The following RBFOX1 variants were observed in gnomAD, a reference collection of about 807,000 sequenced individuals.
The protein encoded by RBFOX1 is RNA binding fox-1 homolog 1.
Under a neutral mutation model 57.7 loss-of-function variants are expected in RBFOX1, and 8 were observed. The ratio of observed to expected loss-of-function variants is 0.14; its 90% confidence interval spans 0.08 to 0.25. The LOEUF (loss-of-function observed/expected upper bound fraction) is 0.25. RBFOX1 is among the 10% of genes least tolerant of loss of function. The pLI, the probability that RBFOX1 is intolerant of heterozygous loss-of-function variation, is 1.00. For missense variants in RBFOX1, 611 were observed against 548.5 expected, an observed-to-expected ratio of 1.11 and a Z score of -1.14; for synonymous variants, 326 against 222.4, an observed-to-expected ratio of 1.47 and a Z score of -4.15.
At chr16:6,248,957 G>A (rs2160165) in intron 1 of RBFOX1, among the ~76,000 whole-genome samples, 2,335 of 152,246 alleles carry the variant, frequency 0.015, 32 homozygotes, top group Middle Eastern at 0.02. Context: ...ACGAGGTACT[G>A]AAGGAACAGT....
At chr16:7,294,046 C>G (rs924236668) in intron 4 of RBFOX1, among the ~76,000 whole-genome samples, 11 of 152,058 alleles carry the variant, frequency 7.2e-5, no homozygotes, top group African/African-American at 2.7e-4. Flanking sequence ...ACCTTGCAGC[C>G]AAGCTCATGA....
At chr16:5,960,823 C>G (rs1031711280) in intron 4 of RBFOX1, among the ~76,000 whole-genome samples, 3 of 152,208 alleles carry the variant, frequency 2.0e-5, no homozygotes, top group African/African-American at 7.2e-5. Context: ...CCAAGTGTCT[C>G]TTCTTCCCAA....
intron 2 of RBFOX1, among the ~76,000 whole-genome samples, chr16:6,412,356 A>G (rs2093485957): frequency 6.6e-6 from 1 of 152,158 alleles, no homozygotes; most frequent in Non-Finnish European, 1.5e-5. Context: ...CCTCTGGTCA[A>G]CTTGGATTTC....
chr16:5,564,035 A>T (rs969160132), intron 2 of RBFOX1, among the ~76,000 whole-genome samples: 8 of 152,092 alleles, frequency 5.3e-5, no homozygotes, highest in Non-Finnish European at 8.8e-5. Context: ...TTATTTTTAG[A>T]CTGAGTCTTG....
intron 6 of RBFOX1, among the ~76,000 whole-genome samples, chr16:7,582,038 C>T (rs937948614): frequency 8.6e-5 from 13 of 151,318 alleles, no homozygotes; most frequent in South Asian, 4.2e-4. Flanking sequence ...CCCCCCCCCC[C>T]CTTTTTTTTG....
intron 2 of RBFOX1, among the ~76,000 whole-genome samples, chr16:6,472,859 A>T (rs1227968970): frequency 6.6e-6 from 1 of 151,920 alleles, no homozygotes; most frequent in African/African-American, 2.4e-5. Flanking sequence ...TCCCAACCTT[A>T]TTTGATCCAC....
At chr16:7,610,904 C>T (rs966321394) in intron 10 of RBFOX1, among the ~76,000 whole-genome samples, 3 of 152,156 alleles carry the variant, frequency 2.0e-5, no homozygotes, top group African/African-American at 7.2e-5. Context: ...TTTAAAATTT[C>T]CCCAGCTATA....
intron 2 of RBFOX1, among the ~76,000 whole-genome samples, chr16:6,363,741 T>C (rs1477505493): frequency 6.6e-6 from 1 of 152,214 alleles, no homozygotes; most frequent in Non-Finnish European, 1.5e-5. Flanking sequence ...TAGAAATCAA[T>C]CGCTCTGTTC....
At chr16:6,844,634 C>A (rs1251730684) in intron 3 of RBFOX1, among the ~76,000 whole-genome samples, 1 of 152,034 alleles carries the variant, frequency 6.6e-6, no homozygotes, top group Non-Finnish European at 1.5e-5. Context: ...GTGAATAGTG[C>A]TGCAATTAAC....
intron 2 of RBFOX1, among the ~76,000 whole-genome samples, chr16:5,583,974 C>T (rs540329021): frequency 5.4e-4 from 82 of 152,286 alleles, no homozygotes; most frequent in African/African-American, 1.8e-3. Context: ...CAAGGCTGTG[C>T]CAGCCATTCC....
At chr16:5,590,635 C>A (rs1451364838) in intron 2 of RBFOX1, among the ~76,000 whole-genome samples, 1 of 152,120 alleles carries the variant, frequency 6.6e-6, no homozygotes, top group Non-Finnish European at 1.5e-5. Context: ...ACTCCCAGAT[C>A]GGGCACTGAG....
At chr16:6,926,956 G>T (rs1000553135) in intron 3 of RBFOX1, among the ~76,000 whole-genome samples, 3 of 152,050 alleles carry the variant, frequency 2.0e-5, no homozygotes, top group African/African-American at 4.8e-5. Flanking sequence ...GCTCCTCCTT[G>T]CCTTACTCAG....
rs536483250 is a variant in RBFOX1 at position 7,700,193 on chromosome 16, G to A, written c.996-8863G>A. On this transcript the variant is annotated intron_variant, in intron 14 of 15. Coordinates refer to ENST00000550418, the MANE Select transcript of RBFOX1 (RefSeq NM_018723.4). ...ACACATGTACCCCTGGGGCTTTACC[G>A]GGAAGCTCACTGATCCCACATAAAA... Among the ~76,000 whole-genome samples the A allele has an allele frequency of 1.6e-4, 25 of 152,058 alleles. 1 individual carries two copies. The highest frequency in any genetic ancestry group is 6.6e-5 in the Admixed American group (1 of 15,266).
intron 10 of RBFOX1, among the ~76,000 whole-genome samples, chr16:7,611,579 CAAA>C (rs1042522584): frequency 7.0e-5 from 6 of 86,036 alleles, no homozygotes; most frequent in African/African-American, 9.1e-5. Context: ...AACTCTGTCT[CAAA>C]AAAAAAAAAA....
chr16:7,383,785 G>A (rs1421102771), intron 4 of RBFOX1, among the ~76,000 whole-genome samples: 1 of 152,066 alleles, frequency 6.6e-6, no homozygotes, highest in Non-Finnish European at 1.5e-5. Context: ...GGCCTGGCGA[G>A]GTGGCTCAAG....
intron 3 of RBFOX1, among the ~76,000 whole-genome samples, chr16:6,664,269 T>C (rs1231011653): frequency 6.6e-6 from 1 of 152,180 alleles, no homozygotes; most frequent in African/African-American, 2.4e-5. Flanking sequence ...GCAAATTCCC[T>C]AAAACTGTCA....
intron 14 of RBFOX1, chr16:7,693,198 A>T (rs906746745): frequency 1.2e-5 from 9 of 781,512 alleles, no homozygotes; most frequent in Non-Finnish European, 2.0e-5. Context: ...ATTTCCTCGC[A>T]ACATCCATTC....
chr16:6,038,910 C>T (rs1021663990), intron 1 of RBFOX1: 3 of 143,436 alleles, frequency 2.1e-5, no homozygotes, highest in African/African-American at 7.8e-5. Context: ...TGCCAAGCAG[C>T]ATCCTGGATT....
At chr16:6,313,535 G>T (rs558484541) in intron 1 of RBFOX1, among the ~76,000 whole-genome samples, 1 of 152,122 alleles carries the variant, frequency 6.6e-6, no homozygotes, top group Non-Finnish European at 1.5e-5. Context: ...GCTGTCCAAG[G>T]GTCATCAACA....
Sources: allele counts gnomAD v4.1 joint callset (sites outside exome capture counted in the v4.1 genomes callset), GRCh38; gene constraint gnomAD v4.1.1; transcripts MANE v1.5; gene names NCBI Gene and HGNC (gene_info 2026-07-23, HGNC 2026-07-21).